Variants in ZNF454 observed in about 807,000 individuals in gnomAD.
ZNF454 encodes zinc finger protein 454.
In ZNF454, 30 loss-of-function variants were observed where a neutral mutation model predicts 48.2. The observed-to-expected ratio is 0.62, with a 90% CI of 0.47 to 0.84. The LOEUF is 0.84. Ranked by LOEUF, ZNF454 falls within the 40% of genes least tolerant of loss-of-function variation. The pLI is 0.00. For synonymous variants in ZNF454, 204 were observed against 211.4 expected (o/e 0.97, Z 0.30); for missense variants, 510 against 623.1 (o/e 0.82, Z 1.93).
At chr5:178,968,360 A>G (rs555797990), downstream of ZNF454, among the ~76,000 whole-genome samples, 1 of 152,096 alleles carries the variant, frequency 6.6e-6, no homozygotes, top group Non-Finnish European at 1.5e-5. Context: ...AGAAGAGGAT[A>G]TTCTATATCA....
the ZNF454 span, chr5:178,983,155 G>A: frequency 9.9e-6 from 16 of 1,613,728 alleles, no homozygotes; most frequent in African/African-American, 4.0e-5. Context: ...TCCACCGTCC[G>A]CTGTTCCTCA....
the ZNF454 span, chr5:178,983,194 C>T: frequency 5.6e-6 from 9 of 1,612,478 alleles, no homozygotes; most frequent in African/African-American, 1.3e-5. Flanking sequence ...GGGGGCCGGG[C>T]CCCCAGCCAT....
chr5:178,950,809 A>G (rs1759525023), intron 4 of ZNF454, among the ~76,000 whole-genome samples: 3 of 150,528 alleles, frequency 2.0e-5, no homozygotes, highest in Middle Eastern at 3.4e-3. Flanking sequence ...TTTTATCTGA[A>G]CTTTTTTCTC....
At chr5:178,981,341 C>T in the ZNF454 span, 1 of 332,390 alleles carries the variant, frequency 3.0e-6, no homozygotes, top group East Asian at 6.6e-5. The surrounding 1 kb of genome is among the most constrained non-coding windows in gnomAD (Gnocchi z 5.1). Flanking sequence ...AAGCCCAGGG[C>T]TTCATCATCC....
the ZNF454 span, chr5:178,979,075 GACCTCGTCTCT>G: frequency 6.6e-6 from 1 of 152,212 alleles, no homozygotes; most frequent in Non-Finnish European, 1.5e-5. Flanking sequence ...AACATAGTGA[GACCTCGTCTCT>G]ACAAAAAATA....
the ZNF454 span, chr5:178,986,254 G>T: frequency 1.8e-5 from 29 of 1,614,180 alleles, no homozygotes; most frequent in Non-Finnish European, 2.4e-5. Flanking sequence ...GGTGAGCAGG[G>T]CAGAGTAGCT....
intron 4 of ZNF454, among the ~76,000 whole-genome samples, chr5:178,963,717 G>T (rs1442488361): frequency 4.6e-5 from 7 of 151,744 alleles, no homozygotes; most frequent in Non-Finnish European, 8.8e-5. Context: ...CCTCCCATGG[G>T]TGTCACATTA....
chr5:178,985,858 C>T, the ZNF454 span: 15 of 546,202 alleles, frequency 2.7e-5, no homozygotes, highest in East Asian at 7.1e-5. Context: ...AACTCTTGGG[C>T]TCAAGCGATC....
chr5:178,951,648 T>C (rs184209944), intron 4 of ZNF454, among the ~76,000 whole-genome samples: 23 of 152,380 alleles, frequency 1.5e-4, no homozygotes, highest in African/African-American at 5.3e-4. Flanking sequence ...TTCAGTGATA[T>C]ACCTTACTTT....
chr5:178,985,213 T>G, the ZNF454 span: 1 of 454,168 alleles, frequency 2.2e-6, no homozygotes, highest in East Asian at 7.0e-5. Flanking sequence ...TTGACCTGTT[T>G]CCATATGTGA....
At chr5:178,986,389 T>C in the ZNF454 span, 1 of 1,613,914 alleles carries the variant, frequency 6.2e-7, no homozygotes, top group Non-Finnish European at 8.5e-7. Flanking sequence ...GTAGCTGAGC[T>C]CTCGGCCCGA....
chr5:178,969,622 C>T, downstream of ZNF454: 1 of 456,828 alleles, frequency 2.2e-6, no homozygotes, highest in South Asian at 1.5e-5. Context: ...CACAAGACTG[C>T]TCTGGTACAC....
At chr5:178,982,226 C>T in the ZNF454 span, among the ~76,000 whole-genome samples, 17 of 152,126 alleles carry the variant, frequency 1.1e-4, no homozygotes, top group Non-Finnish European at 2.9e-5. Context: ...AATATTCTGC[C>T]GCATACGTGA....
At chr5:178,982,702 AAAG>A in the ZNF454 span, 2 of 540,830 alleles carry the variant, frequency 3.7e-6, no homozygotes, top group African/African-American at 3.8e-5. Flanking sequence ...TAAAAAAAAA[AAAG>A]AAAAAAAGAA....
chr5:178,973,900 T>C, the ZNF454 span, among the ~76,000 whole-genome samples: 1 of 151,888 alleles, frequency 6.6e-6, no homozygotes. Flanking sequence ...CCATTTATAT[T>C]ACTTCTGCCA....
downstream of ZNF454, among the ~76,000 whole-genome samples, chr5:178,970,269 A>C (rs1240086929): frequency 6.6e-6 from 1 of 152,222 alleles, no homozygotes; most frequent in Non-Finnish European, 1.5e-5. Context: ...CTTAGTCGGC[A>C]GTACAACATG....
chr5:178,942,578 C>T (rs902289109), intron 1 of ZNF454, 107 bp from the exon 2 acceptor site: 17 of 523,264 alleles, frequency 3.2e-5, no homozygotes, highest in Non-Finnish European at 1.0e-5. Flanking sequence ...AAACAGGAAC[C>T]AAAACACTCA....
chr5:178,965,876 C>T lies in ZNF454; in HGVS notation c.1472C>T (p.Thr491Ile), dbSNP rs1250799019. 1 of 1,614,068 alleles carries T rather than the reference C, an allele frequency of 6.2e-7. No homozygotes were observed. The highest frequency in any genetic ancestry group is 1.1e-5 in the South Asian group (1 of 91,070). Residue 491 changes from threonine (T) to isoleucine (I), a missense_variant, in exon 5 of 5, where the codon ACA becomes ATA. Thr to Ile is a moderately conservative substitution (Grantham distance 89, BLOSUM62 -1). This residue lies in a region of ZNF454 where 153 missense variants were observed against 195.8 expected (regional missense o/e 0.78). Transcript: ENST00000519564. This position sits in a 1 kb window ranked among gnomAD's most constrained non-coding sequence, Gnocchi z 5.2. ...CTGACTCAACATCAGAGGATTCACACAGGAGAGAAACCCTATAAATGTAAT... is the reference window on the plus strand; with the variant it reads ...CTGACTCAACATCAGAGGATTCACATAGGAGAGAAACCCTATAAATGTAAT... ...THLTQHQRIH[T>I]GEKPYKCNKC...
chr5:178,947,642 C>T (rs1197158326), intron 4 of ZNF454, among the ~76,000 whole-genome samples: 1 of 152,120 alleles, frequency 6.6e-6, no homozygotes, highest in African/African-American at 2.4e-5. Flanking sequence ...GGTTACTTGT[C>T]TTGAGAAGCT....
Sources: gnomAD v4.1 joint callset for allele counts (sites outside exome capture counted in the v4.1 genomes callset) on GRCh38, gnomAD v4.1.1 for gene constraint, gnomAD v4.1.1 regional missense constraint, Gnocchi (gnomAD v3.1) non-coding constraint, MANE v1.5 for transcripts, NCBI Gene and HGNC (gene_info 2026-07-23, HGNC 2026-07-21) for gene names.